Variants in TRAPPC10 observed in about 807,000 individuals in gnomAD.
TRAPPC10 encodes TRAPP 130 kDa subunit.
TRAPPC10 carries 23 observed loss-of-function variants against 125.5 expected under a neutral mutation model. The observed-to-expected ratio is 0.18, with a 90% CI of 0.13 to 0.26. TRAPPC10 has a LOEUF of 0.26. Among genes scored for constraint, TRAPPC10 ranks in the 10% least tolerant of loss-of-function variants. The pLI is 1.00. For missense variants in TRAPPC10, 1,123 were observed against 1,308.4 expected (o/e 0.86, Z 2.19); for synonymous variants, 509 against 518.0 (o/e 0.98, Z 0.24).
chr21:44,082,910 A>G lies in TRAPPC10; in HGVS notation c.1846A>G (p.Met616Val), dbSNP rs754550679. Residue 616 changes from methionine (M) to valine (V), a missense_variant, in exon 14 of 23, where the codon ATG becomes GTG. Physicochemically the swap from Met to Val is conservative, Grantham distance 21. Coordinates refer to ENST00000291574, the MANE Select transcript of TRAPPC10 (RefSeq NM_003274.5). This position sits in a 1 kb window ranked among gnomAD's most constrained non-coding sequence, Gnocchi z 4.4. ...LCVEITMYSQ[M>V]PVPVHVEQIV... Reference sequence around the variant, plus strand: ...CGTTGAGATAACCATGTACAGCCAGATGCCTGTGCCTGTTCACGTGGAGCA... The same window carrying G: ...CGTTGAGATAACCATGTACAGCCAGGTGCCTGTGCCTGTTCACGTGGAGCA... The G allele has an allele frequency of 1.9e-6, 3 of 1,614,072 alleles. No homozygotes were observed. Among genetic ancestry groups the G allele is most frequent in the Admixed American group, 3.3e-5 (2 of 60,022 alleles).
At chr21:44,081,984 C>T (rs1370794075) in intron 13 of TRAPPC10, among the ~76,000 whole-genome samples, 1 of 152,120 alleles carries the variant, frequency 6.6e-6, no homozygotes, top group Non-Finnish European at 1.5e-5. Flanking sequence ...TTGGTAGAGC[C>T]GTGACCACAT....
Position 44,059,446 on chromosome 21 carries a change from T to TA in TRAPPC10, c.790+239dup, listed in dbSNP as rs763118686. 4.2e-6 allele frequency: 3 copies of TA among 714,896 alleles called. No individual in the cohort carries two copies. Among genetic ancestry groups the TA allele is most frequent in the South Asian group, 1.5e-5 (1 of 65,598 alleles). 44.3% of individuals were successfully genotyped at this position (714,896 alleles called of 1,614,324 possible). A position where few individuals can be genotyped will look rare whatever the true frequency, so the allele number is the denominator to read the frequency against. On this transcript the variant is annotated intron_variant, in intron 6 of 22. Transcript: ENST00000291574. This position sits in a 1 kb window ranked among gnomAD's most constrained non-coding sequence, Gnocchi z 4.4. Reference sequence around the variant, plus strand: ...TTAAGTAACAAAAATAATAATAATTTAAAAAAACTGTTTTCCAGGTATAAA... The same window carrying TA: ...TTAAGTAACAAAAATAATAATAATTTAAAAAAAACTGTTTTCCAGGTATAAA...
chr21:44,043,405 G>T (rs1424806628), intron 3 of TRAPPC10, among the ~76,000 whole-genome samples: 1 of 151,542 alleles, frequency 6.6e-6, no homozygotes, highest in Non-Finnish European at 1.5e-5. Context: ...GTGGAGACGG[G>T]GTTTCACCAT....
At chr21:44,070,129 G>T (rs886916556) in intron 7 of TRAPPC10, among the ~76,000 whole-genome samples, 5 of 152,092 alleles carry the variant, frequency 3.3e-5, no homozygotes, top group African/African-American at 1.2e-4. Context: ...CTGCCTTCAC[G>T]GGAGGCATAG....
chr21:44,042,420 GA>G lies in TRAPPC10; in HGVS notation c.285+4502del, dbSNP rs549146437. Reference sequence around the variant, plus strand: ...TTAACAGAAAGCTTTTTAGCTTACAGAAAAAAAAAGATTAAAAAAATTTTGT... The same window carrying G: ...TTAACAGAAAGCTTTTTAGCTTACAGAAAAAAAAGATTAAAAAAATTTTGT... On this transcript the variant is annotated intron_variant, in intron 3 of 22. Coordinates refer to ENST00000291574, the MANE Select transcript of TRAPPC10 (RefSeq NM_003274.5). Among the ~76,000 whole-genome samples, 641 of 150,680 alleles carry G rather than the reference GA, an allele frequency of 4.3e-3. 3 individuals are homozygous for G. The highest frequency in any genetic ancestry group is 7.6e-3 in the Non-Finnish European group (512 of 67,632).
chr21:44,012,565 G>A lies in TRAPPC10; in HGVS notation c.67+5G>A, dbSNP rs750649764. On this transcript the variant is annotated splice_donor_5th_base_variant and intron_variant, in intron 1 of 22. Coordinates refer to ENST00000291574, the MANE Select transcript of TRAPPC10 (RefSeq NM_003274.5). ...AGAACAAGCCCATCGTCACCTGTGA[G>A]TGCCCGGAGGCGGGGAGGGCGCGGC... The A allele has an allele frequency of 6.5e-7, 1 of 1,534,028 alleles. No homozygotes were observed. Among genetic ancestry groups the A allele is most frequent in the South Asian group, 1.2e-5 (1 of 83,304 alleles).
chr21:44,021,549 A>G (rs775244253), intron 1 of TRAPPC10, among the ~76,000 whole-genome samples: 3 of 152,150 alleles, frequency 2.0e-5, no homozygotes, highest in Non-Finnish European at 2.9e-5. Context: ...GAACTGCCCA[A>G]TCTTGCTTCT....
At chr21:44,015,415 TTTA>T (rs935203018) in intron 1 of TRAPPC10, among the ~76,000 whole-genome samples, 3 of 152,066 alleles carry the variant, frequency 2.0e-5, no homozygotes, top group Non-Finnish European at 4.4e-5. Context: ...TTCACTTCAT[TTTA>T]TTATTATTAT....
chr21:44,022,947 G>A (rs1008094922), intron 1 of TRAPPC10, among the ~76,000 whole-genome samples: 29 of 149,458 alleles, frequency 1.9e-4, no homozygotes, highest in Middle Eastern at 3.2e-3. Context: ...CTCTCCTTTT[G>A]GAAATTGGCA....
At chr21:44,045,954 T>G (rs2034770572) in intron 3 of TRAPPC10, among the ~76,000 whole-genome samples, 1 of 150,288 alleles carries the variant, frequency 6.7e-6, no homozygotes, top group Non-Finnish European at 1.5e-5. Context: ...TGGGGGTTTA[T>G]TTTTTTTTTC....
Position 44,095,783 on chromosome 21 carries a change from T to C in TRAPPC10, c.3168+1550T>C, listed in dbSNP as rs1352625628. ...TGGGGTTTCACCATCTTGGCCAGGCTGGTCTTGAACTCCTGACCTCATGAT... is the reference window on the plus strand; with the variant it reads ...TGGGGTTTCACCATCTTGGCCAGGCCGGTCTTGAACTCCTGACCTCATGAT... On this transcript the variant is annotated intron_variant, in intron 20 of 22. Coordinates refer to ENST00000291574, the MANE Select transcript of TRAPPC10 (RefSeq NM_003274.5). Among the ~76,000 whole-genome samples the C allele has an allele frequency of 3.9e-5, 6 of 152,282 alleles. No homozygotes were observed. The East Asian group carries it at 1.2e-3, about 29-fold the overall frequency.
chr21:44,092,126 C>G, intron 19 of TRAPPC10, 77 bp downstream of exon 19: 1 of 1,557,550 alleles, frequency 6.4e-7, no homozygotes, highest in Non-Finnish European at 8.7e-7. Flanking sequence ...GTATGTGTTG[C>G]GACTGAGCCT....
At position 44,063,818 on chromosome 21, in the gene TRAPPC10, C is replaced by G. The variant is rs2036229842; in HGVS notation, c.1038+33C>G. On this transcript the variant is annotated intron_variant, in intron 7 of 22. Coordinates refer to ENST00000291574, the MANE Select transcript of TRAPPC10 (RefSeq NM_003274.5). The surrounding 1 kb of genome is among the most constrained non-coding windows in gnomAD (Gnocchi z 4.4). ...GGCTGTTTTCCCAATTTACCCGTTT[C>G]TTGATTGTTCCAGCAGAAATCTCTG... 5.6e-6 allele frequency: 9 copies of G among 1,596,614 alleles called. No homozygotes were observed. Among genetic ancestry groups the G allele is most frequent in the Non-Finnish European group, 7.7e-6 (9 of 1,170,840 alleles).
chr21:44,069,377 C>T (rs773347641), intron 7 of TRAPPC10, among the ~76,000 whole-genome samples: 1 of 152,110 alleles, frequency 6.6e-6, no homozygotes, highest in East Asian at 1.9e-4. Flanking sequence ...GAGAGGAAAT[C>T]CAAATGGCCG....
chr21:44,059,017 C>A lies in TRAPPC10; in HGVS notation c.679-86C>A. 1.1e-6 allele frequency: 1 copy of A among 899,716 alleles called. No individual in the cohort carries two copies. The highest frequency in any genetic ancestry group is 1.6e-6 in the Non-Finnish European group (1 of 639,402). 55.7% of individuals were successfully genotyped at this position (899,716 alleles called of 1,614,324 possible). On this transcript the variant is annotated intron_variant, in intron 5 of 22. Coordinates refer to ENST00000291574, the MANE Select transcript of TRAPPC10 (RefSeq NM_003274.5). The surrounding 1 kb of genome is among the most constrained non-coding windows in gnomAD (Gnocchi z 4.4). ...ATTATTCATAGTGCTGCGTGCCTTT[C>A]TCTGTCGTTTAATGGCTACATACTG... is the stretch of plus-strand genomic sequence containing the variant.
chr21:44,072,798 C>T (rs965683708), intron 7 of TRAPPC10, among the ~76,000 whole-genome samples: 13 of 152,158 alleles, frequency 8.5e-5, no homozygotes, highest in Non-Finnish European at 2.9e-5. Context: ...CAGTGTGTGC[C>T]CAGGGGAGGT....
At chr21:44,037,331 A>G (rs746702548) in intron 2 of TRAPPC10, among the ~76,000 whole-genome samples, 4 of 152,222 alleles carry the variant, frequency 2.6e-5, no homozygotes, top group Non-Finnish European at 4.4e-5. Context: ...AAAATATGTT[A>G]TATTTTCGCC....
intron 1 of TRAPPC10, among the ~76,000 whole-genome samples, chr21:44,025,079 GT>G (rs1390932604): frequency 6.6e-6 from 1 of 152,196 alleles, no homozygotes; most frequent in Non-Finnish European, 1.5e-5. Flanking sequence ...GTTGTTTTGT[GT>G]TTTACTGTTT....
chr21:44,016,508 T>G (rs2031859784), intron 1 of TRAPPC10, among the ~76,000 whole-genome samples: 1 of 152,178 alleles, frequency 6.6e-6, no homozygotes, highest in African/African-American at 2.4e-5. Flanking sequence ...CTGTTGCCTG[T>G]TTCATTTTTC....
Sources: allele counts gnomAD v4.1 joint callset (sites outside exome capture counted in the v4.1 genomes callset), GRCh38; gene constraint gnomAD v4.1.1; non-coding constraint Gnocchi (gnomAD v3.1); transcripts MANE v1.5; gene names NCBI Gene and HGNC (gene_info 2026-07-23, HGNC 2026-07-21).